Variants in ZMYND8 observed in about 807,000 individuals in gnomAD.
The protein encoded by ZMYND8 is MYND-type zinc finger-containing chromatin reader ZMYND8.
Under a neutral mutation model 140.8 loss-of-function variants are expected in ZMYND8, and 37 were observed. The ratio of observed to expected loss-of-function variants is 0.26; its 90% confidence interval spans 0.20 to 0.35. ZMYND8 has a LOEUF of 0.35. Among genes scored for constraint, ZMYND8 ranks in the 10% least tolerant of loss-of-function variants. The probability of loss-of-function intolerance (pLI) is 1.00; values close to 1 mark genes in which losing one functional copy is unlikely to be tolerated. For synonymous variants in ZMYND8, 592 were observed against 597.1 expected, an observed-to-expected ratio of 0.99 and a Z score of 0.12; for missense variants, 1,068 against 1,570.0, an observed-to-expected ratio of 0.68 and a Z score of 5.40.
At chr20:47,331,395 T>G (rs954598672) in intron 2 of ZMYND8, among the ~76,000 whole-genome samples, 3 of 152,142 alleles carry the variant, frequency 2.0e-5, no homozygotes, top group Non-Finnish European at 4.4e-5. Flanking sequence ...GAATGGGGAA[T>G]GAGTCCATAT....
Position 47,249,270 on chromosome 20 carries a change from C to A in ZMYND8, c.1774+17G>T, listed in dbSNP as rs892500376. The A allele has an allele frequency of 1.6e-4, 248 of 1,596,650 alleles. No homozygotes were observed. The highest frequency in any genetic ancestry group is 2.0e-4 in the Non-Finnish European group (239 of 1,172,992). ...CAATGATACTGCTGGAAAAAAAAAA[C>A]AAAACCAAAGGTATACCTAATTGTG... On this transcript the variant is annotated intron_variant, in intron 13 of 22. Coordinates refer to ENST00000471951, the MANE Select transcript of ZMYND8 (RefSeq NM_001281775.3).
intron 21 of ZMYND8, among the ~76,000 whole-genome samples, chr20:47,215,560 C>T (rs2035968731): frequency 6.6e-6 from 1 of 150,758 alleles, no homozygotes. Context: ...AGCTGGAGTG[C>T]AGTGGCTATT....
intron 17 of ZMYND8, among the ~76,000 whole-genome samples, chr20:47,227,522 A>G (rs1006221152): frequency 9.2e-5 from 14 of 152,256 alleles, no homozygotes; most frequent in East Asian, 1.9e-4. Context: ...AAAGCCACTT[A>G]AAGTGACAAG....
chr20:47,248,951 C>T (rs1341374286), intron 13 of ZMYND8, among the ~76,000 whole-genome samples: 4 of 142,242 alleles, frequency 2.8e-5, no homozygotes, highest in African/African-American at 8.3e-5. Flanking sequence ...ACTCACTACT[C>T]GTGTGGAGAC....
chr20:47,215,457 T>G (rs1229824033), intron 21 of ZMYND8, among the ~76,000 whole-genome samples: 8 of 151,824 alleles, frequency 5.3e-5, no homozygotes. Context: ...AACTGTATCA[T>G]AGCAGCAGCG....
intron 14 of ZMYND8, 44 bp from the exon 15 acceptor site, chr20:47,239,182 C>T (rs2039636385): frequency 6.7e-7 from 1 of 1,485,598 alleles, no homozygotes; most frequent in Non-Finnish European, 8.9e-7. Flanking sequence ...CCGGATTTCA[C>T]TCAGGTTCAC....
chr20:47,302,702 C>G (rs1239191300), intron 3 of ZMYND8, among the ~76,000 whole-genome samples: 1 of 152,194 alleles, frequency 6.6e-6, no homozygotes, highest in African/African-American at 2.4e-5. Flanking sequence ...CACACTCTCT[C>G]TTCCCTATAG....
intron 2 of ZMYND8, among the ~76,000 whole-genome samples, chr20:47,313,494 C>T (rs1006278653): frequency 7.9e-5 from 12 of 151,700 alleles, no homozygotes; most frequent in South Asian, 2.1e-4. Flanking sequence ...TGGTGGCGGG[C>T]GCCTGTAGTC....
At position 47,329,315 on chromosome 20, in the gene ZMYND8, T is replaced by C. The variant is rs538361107; in HGVS notation, c.85+18541A>G. Among the ~76,000 whole-genome samples the C allele has an allele frequency of 2.0e-5, 3 of 152,352 alleles. No individual in the cohort carries two copies. In the East Asian group the frequency reaches 5.8e-4, roughly 29 times the overall value. ...TTCTCGATCTGTTCTCTATCAGTGC[T>C]GTCTAATAACAGCAGCCTCTAATCA... On this transcript the variant is annotated intron_variant, in intron 2 of 22. Transcript: ENST00000471951.
chr20:47,282,325 G>C, intron 9 of ZMYND8, 108 bp from the exon 10 acceptor site: 1 of 905,660 alleles, frequency 1.1e-6, no homozygotes, highest in Non-Finnish European at 1.7e-6. Context: ...CAGGCCATGA[G>C]TGGAAAAAGA....
chr20:47,302,599 C>G (rs1266743473), intron 3 of ZMYND8, among the ~76,000 whole-genome samples: 13 of 152,122 alleles, frequency 8.5e-5, no homozygotes, highest in Non-Finnish European at 1.9e-4. Context: ...CCATACTAGT[C>G]TTACTTGATG....
chr20:47,351,268 TCTC>T (rs964781381), intron 1 of ZMYND8, among the ~76,000 whole-genome samples: 6 of 152,064 alleles, frequency 3.9e-5, no homozygotes, highest in African/African-American at 1.2e-4. Flanking sequence ...AGGAATCTCA[TCTC>T]CTCAACACTT....
chr20:47,329,515 C>T (rs1217547187), intron 2 of ZMYND8, among the ~76,000 whole-genome samples: 1 of 152,158 alleles, frequency 6.6e-6, no homozygotes, highest in Non-Finnish European at 1.5e-5. Flanking sequence ...AGCGATTCTC[C>T]AGCCTCATCC....
At chr20:47,232,368 A>AAAATAAATAAATAAATAAATAAATAAAT (rs3084712) in intron 16 of ZMYND8, among the ~76,000 whole-genome samples, 4 of 149,178 alleles carry the variant, frequency 2.7e-5, no homozygotes, top group African/African-American at 1.0e-4. Flanking sequence ...CCTTGTCTCA[A>AAAATAAATAAATAAATAAATAAATAAAT]AAATAAATAA....
chr20:47,352,682 A>G (rs2082889779), intron 1 of ZMYND8: 1 of 374,924 alleles, frequency 2.7e-6, no homozygotes, highest in Non-Finnish European at 3.7e-6. Context: ...GGGAGAAAGG[A>G]GGGCACAGTG....
intron 2 of ZMYND8, among the ~76,000 whole-genome samples, chr20:47,334,100 T>C (rs2081196552): frequency 6.6e-6 from 1 of 152,196 alleles, no homozygotes. Context: ...TATAATAGTG[T>C]TGACTCTCTC....
intron 2 of ZMYND8, among the ~76,000 whole-genome samples, chr20:47,328,786 C>A (rs771010035): frequency 6.6e-6 from 1 of 152,196 alleles, no homozygotes; most frequent in Non-Finnish European, 1.5e-5. Flanking sequence ...TGGAAGAGAT[C>A]CTTCATTCAC....
At chr20:47,236,283 C>A (rs6018354) in intron 16 of ZMYND8, 43 bp downstream of exon 16, 120,297 of 1,612,026 alleles carry the variant, frequency 0.075, 11,723 homozygotes, top group African/African-American at 0.44. Context: ...TGGCATCCTG[C>A]CAGGTGTCTG....
At chr20:47,255,685 GTGTGTA>G (rs1157050383) in intron 12 of ZMYND8, among the ~76,000 whole-genome samples, 4 of 116,238 alleles carry the variant, frequency 3.4e-5, no homozygotes, top group Non-Finnish European at 6.7e-5. Context: ...GTATGTGTGT[GTGTGTA>G]TATATATATA....
Sources: gnomAD v4.1 joint callset for allele counts (sites outside exome capture counted in the v4.1 genomes callset) on GRCh38, gnomAD v4.1.1 for gene constraint, MANE v1.5 for transcripts, NCBI Gene and HGNC (gene_info 2026-07-23, HGNC 2026-07-21) for gene names.